The following CWC27 variants were observed in gnomAD, a reference collection of about 807,000 sequenced individuals.
The protein encoded by CWC27 is CWC27 spliceosome associated cyclophilin.
In CWC27, 47 loss-of-function variants were observed where a neutral mutation model predicts 63.6. That is an observed-to-expected ratio of 0.74 (90% CI 0.58 to 0.94). The LOEUF is 0.94. Ranked by LOEUF, CWC27 falls within the 40% of genes least tolerant of loss-of-function variation. CWC27 has a pLI of 0.00. For missense variants in CWC27, 495 were observed against 554.3 expected (o/e 0.89, Z 1.07); for synonymous variants, 175 against 179.8 (o/e 0.97, Z 0.22).
chr5:64,874,225 A>C (rs1479247826), intron 10 of CWC27, among the ~76,000 whole-genome samples: 2 of 138,190 alleles, frequency 1.4e-5, no homozygotes, highest in Non-Finnish European at 3.0e-5. Context: ...GCAGTGGCAC[A>C]ATCTCAGCTC....
intron 13 of CWC27, among the ~76,000 whole-genome samples, chr5:64,997,340 G>A (rs1257179430): frequency 1.3e-5 from 2 of 152,042 alleles, no homozygotes; most frequent in East Asian, 3.8e-4. Flanking sequence ...CTTTTTGGTA[G>A]GTCAGTTTGT....
chr5:64,802,733 G>T (rs1274738468), intron 9 of CWC27, among the ~76,000 whole-genome samples: 1 of 152,196 alleles, frequency 6.6e-6, no homozygotes, highest in Non-Finnish European at 1.5e-5. Flanking sequence ...AAAGCATAGG[G>T]TTGAGGTGGA....
chr5:64,785,464 T>G lies in CWC27; in HGVS notation c.397-17T>G. Reference sequence around the variant, plus strand: ...AGTGCAATAATTTTCAATTACATTATATTTTTAATTTGATAGGTTACAGGG... The same window carrying G: ...AGTGCAATAATTTTCAATTACATTAGATTTTTAATTTGATAGGTTACAGGG... On this transcript the variant is annotated splice_polypyrimidine_tract_variant and intron_variant, in intron 4 of 13. Transcript: ENST00000381070. The G allele has an allele frequency of 1.7e-6, 2 of 1,207,000 alleles. No individual in the cohort carries two copies. Among genetic ancestry groups the G allele is most frequent in the Middle Eastern group, 4.5e-4 (2 of 4,440 alleles). 74.8% of individuals were successfully genotyped at this position (1,207,000 alleles called of 1,614,324 possible).
At chr5:64,853,212 A>T (rs531339614) in intron 10 of CWC27, among the ~76,000 whole-genome samples, 47 of 152,334 alleles carry the variant, frequency 3.1e-4, no homozygotes, top group African/African-American at 1.1e-3. Flanking sequence ...GATATCAGAA[A>T]GCTGAAACAT....
chr5:64,971,911 C>A, intron 12 of CWC27, 99 bp downstream of exon 12: 1 of 594,488 alleles, frequency 1.7e-6, no homozygotes, highest in Non-Finnish European at 2.8e-6. Flanking sequence ...TCAGGAGAAG[C>A]ACTACCTCTT....
intron 11 of CWC27, among the ~76,000 whole-genome samples, chr5:64,955,954 T>A (rs958711420): frequency 2.0e-5 from 3 of 152,134 alleles, no homozygotes; most frequent in Non-Finnish European, 4.4e-5. Flanking sequence ...CCTTTGCACT[T>A]GCAGTCACTA....
At chr5:64,823,749 G>C (rs1745280394) in intron 10 of CWC27, among the ~76,000 whole-genome samples, 1 of 152,176 alleles carries the variant, frequency 6.6e-6, no homozygotes. Flanking sequence ...TTTTCCTGAA[G>C]GTGCGTTTTA....
intron 3 of CWC27, among the ~76,000 whole-genome samples, chr5:64,782,297 A>G (rs1488503026): frequency 6.6e-6 from 1 of 151,970 alleles, no homozygotes; most frequent in Non-Finnish European, 1.5e-5. Context: ...AAATTACAAA[A>G]ATTAGCCAGG....
chr5:64,785,783 A>T (rs1743861691), intron 5 of CWC27, among the ~76,000 whole-genome samples: 1 of 152,314 alleles, frequency 6.6e-6, no homozygotes, highest in South Asian at 2.1e-4. Flanking sequence ...ACTTTATCTG[A>T]TAATCCAATG....
At chr5:64,994,701 T>C (rs1452451028) in intron 13 of CWC27, among the ~76,000 whole-genome samples, 1 of 152,142 alleles carries the variant, frequency 6.6e-6, no homozygotes, top group Non-Finnish European at 1.5e-5. Context: ...CAGGAATGAC[T>C]TTGATAAAAT....
At chr5:64,960,287 T>G (rs1046628941) in intron 11 of CWC27, among the ~76,000 whole-genome samples, 1 of 152,086 alleles carries the variant, frequency 6.6e-6, no homozygotes, top group South Asian at 2.1e-4. Context: ...CCAGACTACA[T>G]AGGTTTATAT....
At chr5:64,912,263 C>T (rs916429781) in intron 11 of CWC27, among the ~76,000 whole-genome samples, 1 of 151,974 alleles carries the variant, frequency 6.6e-6, no homozygotes, top group Non-Finnish European at 1.5e-5. Context: ...ACTTTTTCTG[C>T]ACTTTGGCAA....
intron 1 of CWC27, among the ~76,000 whole-genome samples, chr5:64,771,685 T>G (rs1202388851): frequency 6.6e-6 from 1 of 152,174 alleles, no homozygotes; most frequent in African/African-American, 2.4e-5. Context: ...TATAAGTATA[T>G]TTGCATATAT....
Position 64,807,557 on chromosome 5 carries a change from C to T in CWC27, c.938+3171C>T, listed in dbSNP as rs754989949. ...CTTCCTAGGATTTCTAATCCCTTGT[C>T]TCTTCCCTTTTTAAAATGTACCAAT... is the stretch of plus-strand genomic sequence containing the variant. On this transcript the variant is annotated intron_variant, in intron 10 of 13. Transcript: ENST00000381070. 3 of 1,493,828 alleles carry T rather than the reference C, an allele frequency of 2.0e-6. No individual in the cohort carries two copies. The South Asian group carries it at 3.9e-5, about 20-fold the overall frequency. The allele number at this position is 1,493,828 out of a possible 1,614,324, so 92.5% of individuals were successfully genotyped here. A position where few individuals can be genotyped will look rare whatever the true frequency, so the allele number is the denominator to read the frequency against.
intron 7 of CWC27, 35 bp from the exon 8 acceptor site, chr5:64,800,213 T>TC (rs1388054858): frequency 7.3e-7 from 1 of 1,371,088 alleles, no homozygotes; most frequent in Non-Finnish European, 1.0e-6. Context: ...ACTGTTTATT[T>TC]CCCCCCTCAT....
At position 64,885,551 on chromosome 5, in the gene CWC27, G is replaced by A. The variant is rs373435795; in HGVS notation, c.1042+5G>A. 5.3e-5 allele frequency: 84 copies of A among 1,586,636 alleles called. 3 individuals are homozygous for A. The African/African-American group carries it at 9.1e-4, about 17-fold the overall frequency. Reference sequence around the variant, plus strand: ...AAGCAGAAAAAAGAAGTGAAGGTAAGGGCATTTATCACGCTTATTTTTTCA... The same window carrying A: ...AAGCAGAAAAAAGAAGTGAAGGTAAAGGCATTTATCACGCTTATTTTTTCA... On this transcript the variant is annotated splice_donor_5th_base_variant and intron_variant, in intron 11 of 13. Transcript: ENST00000381070.
At chr5:64,842,915 A>G (rs2112283927) in intron 10 of CWC27, among the ~76,000 whole-genome samples, 1 of 152,192 alleles carries the variant, frequency 6.6e-6, no homozygotes, top group African/African-American at 2.4e-5. Flanking sequence ...TTCAAGTTCT[A>G]ATTGTTTCTC....
chr5:65,003,954 C>T (rs1415380969), intron 13 of CWC27, among the ~76,000 whole-genome samples: 5 of 152,022 alleles, frequency 3.3e-5, no homozygotes, highest in Non-Finnish European at 4.4e-5. Context: ...AAGCGATTCT[C>T]GTACTTCAGC....
chr5:64,839,313 T>A (rs2112276089), intron 10 of CWC27, among the ~76,000 whole-genome samples: 1 of 152,264 alleles, frequency 6.6e-6, no homozygotes, highest in Admixed American at 6.5e-5. Flanking sequence ...CATTCAAGAA[T>A]GAAGAAGATG....
Sources: allele counts gnomAD v4.1 joint callset (sites outside exome capture counted in the v4.1 genomes callset), GRCh38; gene constraint gnomAD v4.1.1; transcripts MANE v1.5; gene names NCBI Gene and HGNC (gene_info 2026-07-23, HGNC 2026-07-21).